KCNMB3: variants seen among roughly 807,000 people sequenced by gnomAD.
The protein encoded by KCNMB3 is calcium-activated potassium channel subunit beta-3.
In KCNMB3, 18 loss-of-function variants were observed where a neutral mutation model predicts 11.9. The ratio of observed to expected loss-of-function variants is 1.51; its 90% CI spans 1.04 to 2.23. The LOEUF is 2.23. Ranked by LOEUF, KCNMB3 falls within the 30% of genes most tolerant of loss-of-function variation. The probability of loss-of-function intolerance (pLI) is 0.00; values close to 1 mark genes in which losing one functional copy is unlikely to be tolerated. For missense variants in KCNMB3, 247 were observed against 329.4 expected, an observed-to-expected ratio of 0.75 and a Z score of 1.94; for synonymous variants, 78 against 119.2, an observed-to-expected ratio of 0.65 and a Z score of 2.25.
chr3:179,239,816 C>T (rs895309741), downstream of KCNMB3: 6 of 490,968 alleles, frequency 1.2e-5, no homozygotes, highest in African/African-American at 1.2e-4. Context: ...CTGTGGTATA[C>T]TGCATTCATT....
At chr3:179,259,686 G>T (rs1191169067) in intron 1 of KCNMB3, 1 of 1,602,912 alleles carries the variant, frequency 6.2e-7, no homozygotes, top group African/African-American at 1.4e-5. Flanking sequence ...ATCTTTAAGG[G>T]TTTCTATGGG....
At chr3:179,255,342 G>A (rs913222676), upstream of KCNMB3, among the ~76,000 whole-genome samples, 5 of 151,342 alleles carry the variant, frequency 3.3e-5, no homozygotes, top group Admixed American at 2.6e-4. Flanking sequence ...AGAAATAAAG[G>A]AAGGATCCAA....
At chr3:179,259,084 T>C in intron 1 of KCNMB3, 1 of 1,604,000 alleles carries the variant, frequency 6.2e-7, no homozygotes, top group East Asian at 2.2e-5. Flanking sequence ...TCTTCTCTGC[T>C]TTCTGGATTG....
At chr3:179,261,302 C>T in intron 1 of KCNMB3, 1 of 1,258,918 alleles carries the variant, frequency 7.9e-7, no homozygotes, top group Non-Finnish European at 1.0e-6. Context: ...CTCCACCCGG[C>T]GGGAAACGCT....
intron 1 of KCNMB3, among the ~76,000 whole-genome samples, chr3:179,264,348 T>C (rs1726311354): frequency 6.6e-6 from 1 of 152,140 alleles, no homozygotes; most frequent in African/African-American, 2.4e-5. Flanking sequence ...GTAATTAACT[T>C]TGTTGTATTT....
At chr3:179,250,077 T>C (rs1576958116) in intron 1 of KCNMB3, among the ~76,000 whole-genome samples, 1 of 152,038 alleles carries the variant, frequency 6.6e-6, no homozygotes, top group East Asian at 1.9e-4. Flanking sequence ...AGAGAAAACA[T>C]GTTTACTATT....
chr3:179,261,979 A>C (rs1452836036), intron 1 of KCNMB3, among the ~76,000 whole-genome samples: 1 of 152,252 alleles, frequency 6.6e-6, no homozygotes. Flanking sequence ...TAGAAATTTA[A>C]AAATAAGTGT....
chr3:179,259,305 T>G, intron 1 of KCNMB3: 1 of 1,557,132 alleles, frequency 6.4e-7, no homozygotes, highest in Admixed American at 2.0e-5. Flanking sequence ...TTCTTCAGGA[T>G]TGCTTTAAGT....
intron 1 of KCNMB3, chr3:179,260,124 G>A: frequency 6.2e-7 from 1 of 1,605,944 alleles, no homozygotes; most frequent in Non-Finnish European, 8.5e-7. Context: ...TAAAGGACAT[G>A]AGGCCACTGT....
chr3:179,264,320 C>A (rs1278661109), intron 1 of KCNMB3, among the ~76,000 whole-genome samples: 1 of 152,084 alleles, frequency 6.6e-6, no homozygotes, highest in South Asian at 2.1e-4. Flanking sequence ...CCAGTTTTCT[C>A]AGACCATAAA....
At chr3:179,254,666 G>T (rs1050312454), upstream of KCNMB3, among the ~76,000 whole-genome samples, 19 of 152,138 alleles carry the variant, frequency 1.2e-4, no homozygotes, top group African/African-American at 4.3e-4. Flanking sequence ...CAAAAAATTA[G>T]CTGGGCGTGG....
upstream of KCNMB3, among the ~76,000 whole-genome samples, chr3:179,252,916 G>A (rs560751365): frequency 4.6e-5 from 7 of 152,050 alleles, no homozygotes; most frequent in African/African-American, 1.7e-4. Context: ...ATTTTTAGTA[G>A]AGACGGGGTT....
intron 1 of KCNMB3, among the ~76,000 whole-genome samples, chr3:179,248,197 A>C (rs1388278774): frequency 7.2e-5 from 11 of 152,224 alleles, no homozygotes; most frequent in Admixed American, 3.9e-4. Context: ...TGGGCAAGTT[A>C]CTTGGCCTTT....
exon 1 of KCNMB3, chr3:179,266,817 C>T (rs1726383205): frequency 7.5e-6 from 11 of 1,475,138 alleles, no homozygotes; most frequent in East Asian, 2.5e-5. Context: ...CCAGCGGGAG[C>T]CCCCAGCCCC....
Position 179,244,483 on chromosome 3 carries a change from A to G in KCNMB3, c.447+12T>C, listed in dbSNP as rs1441317593. On this transcript the variant is annotated intron_variant, in intron 2 of 2. Coordinates refer to ENST00000392685, the MANE Select transcript of KCNMB3 (RefSeq NM_171830.2). The stretch of plus-strand genomic sequence containing the variant: ...GGTTGCTGTCATAAGAACTCTTTAA[A>G]CTTTACAATACCTTGGGATTTATCT... 1.9e-6 allele frequency: 3 copies of G among 1,611,632 alleles called. No homozygotes were observed. The highest frequency in any genetic ancestry group is 2.5e-6 in the Non-Finnish European group (3 of 1,177,646).
rs1475164659 is a variant in KCNMB3, at chr3:179,250,903, C to T, written c.88G>A (p.Glu30Lys). ...GGGTCTCCATCACTGTAGTCTGTCT[C>T]TCTCTTCTTCCCTGAGGCAGGAAAG... ...TAFPASGKKR[E>K]TDYSDGDPLD... Residue 30 changes from glutamate (E) to lysine (K), a missense_variant, in exon 1 of 3, where the codon GAG becomes AAG. Physicochemically the swap from Glu to Lys is moderately conservative, Grantham distance 56. Around this residue, in one of 2 missense-constraint regions of KCNMB3, gnomAD observed 160 missense variants for 157.5 expected, o/e 1.02. Coordinates refer to ENST00000392685, the MANE Select transcript of KCNMB3 (RefSeq NM_171830.2). The T allele has an allele frequency of 6.2e-7, 1 of 1,614,022 alleles. No individual in the cohort carries two copies. Among genetic ancestry groups the T allele is most frequent in the Admixed American group, 1.7e-5 (1 of 59,994 alleles).
At chr3:179,248,581 A>T (rs1203004659) in intron 1 of KCNMB3, among the ~76,000 whole-genome samples, 1 of 152,082 alleles carries the variant, frequency 6.6e-6, no homozygotes, top group Non-Finnish European at 1.5e-5. Flanking sequence ...TTTAAAAATT[A>T]GCCAAGTATG....
intron 1 of KCNMB3, among the ~76,000 whole-genome samples, chr3:179,248,539 G>T (rs940532364): frequency 4.6e-5 from 7 of 152,146 alleles, no homozygotes; most frequent in Admixed American, 2.0e-4. Context: ...ACCAGCCTGG[G>T]CAACATAGGG....
chr3:179,245,657 G>A (rs1488023812), intron 1 of KCNMB3, among the ~76,000 whole-genome samples: 2 of 151,962 alleles, frequency 1.3e-5, no homozygotes, highest in South Asian at 2.1e-4. Context: ...GCACCATCAC[G>A]CCCAGCTAAT....
Sources: allele counts gnomAD v4.1 joint callset (sites outside exome capture counted in the v4.1 genomes callset), GRCh38; gene constraint gnomAD v4.1.1; regional missense constraint gnomAD v4.1.1; transcripts MANE v1.5; gene names NCBI Gene and HGNC (gene_info 2026-07-23, HGNC 2026-07-21).